ENGASE: variants seen among roughly 807,000 people sequenced by gnomAD.
ENGASE encodes cytosolic endo-beta-N-acetylglucosaminidase.
ENGASE carries 69 observed loss-of-function variants against 78.5 expected under a neutral mutation model. That is an observed-to-expected ratio of 0.88 (90% confidence interval 0.72 to 1.07). The LOEUF (loss-of-function observed/expected upper bound fraction) is 1.07. Ranked by LOEUF, ENGASE falls within the 50% of genes least tolerant of loss-of-function variation. The probability of loss-of-function intolerance (pLI) is 0.00; values close to 1 mark genes in which losing one functional copy is unlikely to be tolerated. For missense variants in ENGASE, 943 were observed against 988.4 expected, an observed-to-expected ratio of 0.95 and a Z score of 0.62; for synonymous variants, 408 against 408.9, an observed-to-expected ratio of 1.00 and a Z score of 0.03.
intron 1 of ENGASE, chr17:79,075,913 C>A: frequency 1.0e-6 from 1 of 985,086 alleles, no homozygotes; most frequent in Non-Finnish European, 1.2e-6. Flanking sequence ...TGGGATTGTT[C>A]TGAGAAGGTC....
rs866080824 is a variant in ENGASE, at chr17:79,086,150, T to C, written c.2033T>C (p.Leu678Pro). Residue 678 changes from leucine (L) to proline (P), a missense_variant, in exon 14 of 14, where the codon CTG becomes CCG. Transcript: ENST00000579016. ...GMSDDSPGRELPRPEMPMFLG... is the reference protein window; with the variant it reads ...GMSDDSPGREPPRPEMPMFLG... Reference sequence around the variant, plus strand: ...AGTGATGACTCTCCGGGCAGGGAGCTGCCGAGGCCAGAGATGCCCATGTTC... The same window carrying C: ...AGTGATGACTCTCCGGGCAGGGAGCCGCCGAGGCCAGAGATGCCCATGTTC... The C allele has an allele frequency of 5.0e-6, 8 of 1,613,656 alleles. No individual in the cohort carries two copies. The African/African-American group carries it at 6.7e-5, about 13-fold the overall frequency.
Position 79,081,914 on chromosome 17 carries a change from TGCGACG to T in ENGASE, c.892_897del (p.Asp298_Gly299del), listed in dbSNP as rs1474812373. 1.2e-6 allele frequency: 2 copies of T among 1,612,802 alleles called. No homozygotes were observed. Among genetic ancestry groups the T allele is most frequent in the East Asian group, 4.5e-5 (2 of 44,822 alleles). On this transcript the variant is annotated inframe_deletion, in exon 7 of 14. Transcript: ENST00000579016. ...GCTTCTCAGGGTCTTCTTTGATTCCTGCGACGGCTTCTTCACTAACTATAACTGGCG... is the reference window on the plus strand; with the variant it reads ...GCTTCTCAGGGTCTTCTTTGATTCCTGCTTCTTCACTAACTATAACTGGCG...
At chr17:79,079,903 A>T (rs749782826) in intron 4 of ENGASE, among the ~76,000 whole-genome samples, 1 of 152,240 alleles carries the variant, frequency 6.6e-6, no homozygotes, top group Non-Finnish European at 1.5e-5. Flanking sequence ...TGTTCCAGTA[A>T]AATTGCATTT....
At position 79,083,951 on chromosome 17, in the gene ENGASE, G is replaced by A; in HGVS notation, c.1442G>A (p.Arg481Lys). The A allele has an allele frequency of 6.2e-7, 1 of 1,609,584 alleles. No homozygotes were observed. The highest frequency in any genetic ancestry group is 8.5e-7 in the Non-Finnish European group (1 of 1,179,528). ...CCGGAGGTTGGAAATGTGGCTGTGA[G>A]GTGGGTGAGTGACGGAGGACGGTGG... ...IPPEVGNVAV[R>K]LFSLQAPVPP... The change falls in exon 10 of 14, where the codon AGG becomes AAG. Residue 481 changes from arginine (R) to lysine (K), a missense_variant and splice_region_variant. Transcript: ENST00000579016. The surrounding 1 kb of genome is among the most constrained non-coding windows in gnomAD (Gnocchi z 4.9).
rs771713028 is a variant in ENGASE, at chr17:79,082,062, A to G, written c.1037A>G (p.Lys346Arg). Residue 346 changes from lysine (K) to arginine (R), a missense_variant and splice_region_variant, in exon 7 of 14, where the codon AAG becomes AGG. By Grantham distance (26) the Lys-to-Arg change is conservative (BLOSUM62 2). Transcript: ENST00000579016. ...NVVGGRFDTD[K>R]SLELIRKHGF... ...GTCGGAGGCCGATTCGACACAGACA[A>G]GGTGGGTGGTGGCTTTCGTCCAAGG... 2.5e-6 allele frequency: 4 copies of G among 1,614,168 alleles called. No homozygotes were observed. The highest frequency in any genetic ancestry group is 2.2e-5 in the East Asian group (1 of 44,880).
Position 79,075,097 on chromosome 17 carries a change from C to A in ENGASE, c.146+7C>A. On this transcript the variant is annotated splice_region_variant and intron_variant, in intron 1 of 13. Coordinates refer to ENST00000579016, the MANE Select transcript of ENGASE (RefSeq NM_001042573.3). Reference sequence around the variant, plus strand: ...GGCGGCGGCCGGGAAGGAGGTGGGGCTGCGGGGCCCGCGTGAACCCCGATC... The same window carrying A: ...GGCGGCGGCCGGGAAGGAGGTGGGGATGCGGGGCCCGCGTGAACCCCGATC... The A allele has an allele frequency of 8.3e-7, 1 of 1,207,242 alleles. No homozygotes were observed. Among genetic ancestry groups the A allele is most frequent in the Non-Finnish European group, 1.0e-6 (1 of 971,540 alleles). The allele number at this position is 1,207,242 out of a possible 1,614,324, so 74.8% of individuals were successfully genotyped here. A position where few individuals can be genotyped will look rare whatever the true frequency, so the allele number is the denominator to read the frequency against.
chr17:79,085,855 G>A (rs1388884731), intron 13 of ENGASE, 78 bp from the exon 14 acceptor site: 4 of 1,583,568 alleles, frequency 2.5e-6, no homozygotes, highest in Non-Finnish European at 3.4e-6. Flanking sequence ...GAGGAGTCAG[G>A]GAGGGGAAAT....
intron 6 of ENGASE, among the ~76,000 whole-genome samples, chr17:79,081,467 A>T (rs1318187064): frequency 6.6e-6 from 1 of 151,964 alleles, no homozygotes; most frequent in Non-Finnish European, 1.5e-5. Flanking sequence ...GTGCCACTGC[A>T]CTCCAGCCTG....
chr17:79,085,966 C>T lies in ENGASE; in HGVS notation c.1849C>T (p.Pro617Ser). Residue 617 changes from proline (P) to serine (S), a missense_variant, in exon 14 of 14, where the codon CCC becomes TCC. Pro to Ser is a moderately conservative substitution (Grantham distance 74, BLOSUM62 -1). Transcript: ENST00000579016. ...VDAASLLAPL[P>S]QVQAVTISHI... ...CGCTGCCAGCCTGCTGGCCCCTCTG[C>T]CCCAGGTGCAGGCCGTCACCATCTC... The T allele has an allele frequency of 6.2e-7, 1 of 1,604,794 alleles. No homozygotes were observed. Among genetic ancestry groups the T allele is most frequent in the Non-Finnish European group, 8.5e-7 (1 of 1,178,776 alleles).
chr17:79,080,421 C>G, intron 5 of ENGASE, 57 bp downstream of exon 5: 2 of 1,587,714 alleles, frequency 1.3e-6, no homozygotes, highest in Non-Finnish European at 1.7e-6. Context: ...CGCCCACCTC[C>G]ACCTCTTTCC....
Position 79,085,355 on chromosome 17 carries a change from GCTT to G in ENGASE, c.1700+18_1700+20del, listed in dbSNP as rs775028300. ...GCTGGGTCCAGCAGTAAGTCCCTCTGCTTCTTCACGTCCTTCTCCCTCACTCAA... is the reference window on the plus strand; with the variant it reads ...GCTGGGTCCAGCAGTAAGTCCCTCTGCTTCACGTCCTTCTCCCTCACTCAA... On this transcript the variant is annotated intron_variant, in intron 12 of 13. Transcript: ENST00000579016. 2.7e-5 allele frequency: 42 copies of G among 1,582,516 alleles called. 1 individual carries two copies. In the South Asian group the frequency reaches 4.2e-4, roughly 16 times the overall value.
At chr17:79,077,936 G>GGGGGGGC in intron 3 of ENGASE, 72 bp downstream of exon 3, 3 of 721,526 alleles carry the variant, frequency 4.2e-6, no homozygotes, top group Non-Finnish European at 4.4e-6. Flanking sequence ...GGAGGGGCGG[G>GGGGGGGC]AGAGAGTGCC....
intron 6 of ENGASE, 53 bp from the exon 7 acceptor site, chr17:79,081,845 T>C: frequency 1.3e-6 from 2 of 1,560,104 alleles, no homozygotes; most frequent in Admixed American, 3.7e-5. Context: ...TTGGTGGGGG[T>C]GGCCCCATCC....
In ENGASE at chr17:79,083,732, G is replaced by C. The variant is rs1176457161; in HGVS notation, c.1252-29G>C. 2 of 1,595,534 alleles carry C rather than the reference G, an allele frequency of 1.3e-6. No homozygotes were observed. The highest frequency in any genetic ancestry group is 1.7e-5 in the Admixed American group (1 of 57,918). On this transcript the variant is annotated intron_variant, in intron 9 of 13. Coordinates refer to ENST00000579016, the MANE Select transcript of ENGASE (RefSeq NM_001042573.3). The surrounding 1 kb of genome is among the most constrained non-coding windows in gnomAD (Gnocchi z 4.9). ...CACCCCTGCTCTGTTGGCCTCTGCT[G>C]AGTGCCCCTGTTCTGCCCTTTTCTT...
chr17:79,082,671 T>A, intron 7 of ENGASE: 1 of 1,314,474 alleles, frequency 7.6e-7, no homozygotes, highest in Admixed American at 2.3e-5. Flanking sequence ...AATGAGTAAA[T>A]TAATCCAATA....
intron 1 of ENGASE, among the ~76,000 whole-genome samples, chr17:79,076,964 C>G (rs767324073): frequency 6.6e-5 from 10 of 152,320 alleles, no homozygotes; most frequent in Non-Finnish European, 1.0e-4. Context: ...CCTTCGCCTC[C>G]CAGGTTCAAG....
chr17:79,080,404 G>A, intron 5 of ENGASE, 40 bp downstream of exon 5: 1 of 1,600,284 alleles, frequency 6.2e-7, no homozygotes, highest in African/African-American at 1.3e-5. Flanking sequence ...GCCCCTTGCT[G>A]TGTTGCCGCC....
intron 10 of ENGASE, chr17:79,084,187 G>A: frequency 1.8e-6 from 1 of 561,884 alleles, no homozygotes. Flanking sequence ...CAGATCCCTA[G>A]AACTGTGTCA....
At position 79,085,663 on chromosome 17, in the gene ENGASE, C is replaced by T; in HGVS notation, c.1744C>T (p.Leu582Phe). ...GCGTGGGTGCCTGCTGCTAGACCTC[C>T]TCGTTTGCTTCTCACGGCCGCCGGG... ...SLRGCLLLDL[L>F]VCFSRPPGSR... The change falls in exon 13 of 14, where the codon CTC becomes TTC. Residue 582 changes from leucine to phenylalanine, a missense_variant. By Grantham distance (22) the Leu-to-Phe change is conservative. Transcript: ENST00000579016. 10 of 1,614,002 alleles carry T rather than the reference C, an allele frequency of 6.2e-6. No individual in the cohort carries two copies. Among genetic ancestry groups the T allele is most frequent in the Non-Finnish European group, 8.5e-6 (10 of 1,180,000 alleles).
Sources: allele counts gnomAD v4.1 joint callset (sites outside exome capture counted in the v4.1 genomes callset), GRCh38; gene constraint gnomAD v4.1.1; non-coding constraint Gnocchi (gnomAD v3.1); transcripts MANE v1.5; gene names NCBI Gene and HGNC (gene_info 2026-07-23, HGNC 2026-07-21).